Variants in PDE10A observed in about 807,000 individuals in gnomAD.
PDE10A encodes phosphodiesterase 10A.
In PDE10A, 39 loss-of-function variants were observed where a neutral mutation model predicts 97.7. That is an observed-to-expected ratio of 0.40 (90% CI 0.31 to 0.52). The LOEUF is 0.52. PDE10A is among the 20% of genes least tolerant of loss of function. PDE10A has a pLI of 0.56. For synonymous variants in PDE10A, 371 were observed against 376.8 expected, an observed-to-expected ratio of 0.98 and a Z score of 0.18; for missense variants, 731 against 1,047.8, an observed-to-expected ratio of 0.70 and a Z score of 4.17.
At chr6:165,659,220 G>T (rs1414923123) in intron 1 of PDE10A, among the ~76,000 whole-genome samples, 1 of 151,926 alleles carries the variant, frequency 6.6e-6, no homozygotes, top group Non-Finnish European at 1.5e-5. Flanking sequence ...AACAGTAACT[G>T]GACAAAACAG....
upstream of PDE10A, among the ~76,000 whole-genome samples, chr6:165,663,744 G>C (rs1790414494): frequency 6.6e-6 from 1 of 152,182 alleles, no homozygotes; most frequent in Non-Finnish European, 1.5e-5. Flanking sequence ...GCCTTGGTTG[G>C]GGTTAGAGAA....
intron 1 of PDE10A, chr6:165,940,141 C>T (rs2128492402): frequency 6.6e-6 from 1 of 152,260 alleles, no homozygotes; most frequent in East Asian, 1.9e-4. Flanking sequence ...TTTTATTATT[C>T]CAGAATTTTT....
intron 1 of PDE10A, among the ~76,000 whole-genome samples, chr6:165,649,914 T>C (rs1478714808): frequency 6.6e-6 from 1 of 152,208 alleles, no homozygotes; most frequent in African/African-American, 2.4e-5. Flanking sequence ...CATGAAACCA[T>C]CAATTGCATC....
intron 1 of PDE10A, among the ~76,000 whole-genome samples, chr6:165,750,411 G>T (rs371573633): frequency 6.6e-6 from 1 of 152,168 alleles, no homozygotes. Flanking sequence ...TTCAGTTCCT[G>T]GGTACCTGGC....
At chr6:165,480,589 A>T (rs1779548325) in intron 3 of PDE10A, among the ~76,000 whole-genome samples, 1 of 148,612 alleles carries the variant, frequency 6.7e-6, no homozygotes, top group Admixed American at 6.7e-5. Flanking sequence ...GCCTCAATTA[A>T]AAAAAAAAAG....
chr6:165,705,926 A>G (rs543862610), intron 1 of PDE10A, among the ~76,000 whole-genome samples: 4 of 152,348 alleles, frequency 2.6e-5, no homozygotes, highest in African/African-American at 9.6e-5. Context: ...CCCAAAATCT[A>G]AGCAGCCACA....
At chr6:165,471,889 TG>T (rs1241508981) in intron 3 of PDE10A, among the ~76,000 whole-genome samples, 6 of 152,224 alleles carry the variant, frequency 3.9e-5, no homozygotes, top group African/African-American at 1.4e-4. Flanking sequence ...TTAGGATTTC[TG>T]AACTTTTGTT....
intron 3 of PDE10A, among the ~76,000 whole-genome samples, chr6:165,458,555 C>T (rs970430604): frequency 6.6e-6 from 1 of 152,140 alleles, no homozygotes; most frequent in Non-Finnish European, 1.5e-5. Context: ...TTTGTGACAG[C>T]AGCTAAACCA....
chr6:165,949,356 A>G (rs300101), intron 1 of PDE10A: 81,656 of 152,136 alleles, frequency 0.54, 23,710 homozygotes, highest in African/African-American at 0.77. Flanking sequence ...GGAGGTGCCC[A>G]TGGCAGATGC....
intron 1 of PDE10A, among the ~76,000 whole-genome samples, chr6:165,722,840 A>G (rs964442965): frequency 6.6e-6 from 1 of 151,978 alleles, no homozygotes; most frequent in Admixed American, 6.6e-5. Flanking sequence ...GATCCTACTG[A>G]TCTTATAAAT....
intron 1 of PDE10A, among the ~76,000 whole-genome samples, chr6:165,576,861 C>T (rs1785333743): frequency 6.6e-6 from 1 of 152,222 alleles, no homozygotes; most frequent in Non-Finnish European, 1.5e-5. Flanking sequence ...TCATTTTCCC[C>T]TCTCAGGGAA....
intron 1 of PDE10A, among the ~76,000 whole-genome samples, chr6:165,839,230 C>T (rs1419801120): frequency 4.6e-5 from 7 of 152,278 alleles, no homozygotes; most frequent in South Asian, 2.1e-4. Context: ...AAGTACTTTA[C>T]GCTTTAAATA....
chr6:165,343,103 G>A (rs1312721877), intron 19 of PDE10A, among the ~76,000 whole-genome samples: 2 of 152,180 alleles, frequency 1.3e-5, no homozygotes, highest in Non-Finnish European at 1.5e-5. Flanking sequence ...TTGAATGAAT[G>A]AACAAAAGAT....
At chr6:165,659,056 T>C (rs1790104696) in intron 1 of PDE10A, among the ~76,000 whole-genome samples, 1 of 152,162 alleles carries the variant, frequency 6.6e-6, no homozygotes, top group Admixed American at 6.5e-5. Context: ...TAGCTCTTAC[T>C]AAGTGTTGTT....
chr6:165,648,668 A>G (rs930332968), intron 1 of PDE10A, among the ~76,000 whole-genome samples: 2 of 152,138 alleles, frequency 1.3e-5, no homozygotes, highest in African/African-American at 2.4e-5. Flanking sequence ...CCAACACAAA[A>G]CAAAGAAAAT....
Position 165,662,483 on chromosome 6 carries a change from G to A in PDE10A, c.329C>T (p.Ser110Phe), listed in dbSNP as rs992385783. 2.7e-5 allele frequency: 4 copies of A among 148,958 alleles called. No homozygotes were observed. Among genetic ancestry groups the A allele is most frequent in the African/African-American group, 9.8e-5 (4 of 40,804 alleles). The allele number at this position is 148,958 out of a possible 1,614,324, so 9.2% of individuals were successfully genotyped here. Residue 110 changes from serine to phenylalanine, a missense_variant, in exon 1 of 22, where the codon TCC becomes TTC. Around this residue, in one of 8 missense-constraint regions of PDE10A, gnomAD observed 181 missense variants for 159.1 expected, o/e 1.14. Coordinates refer to ENST00000539869, the MANE Select transcript of PDE10A (RefSeq NM_001385079.1). ...GAAGTAAAAGAAAGATGGAGAGGAG[G>A]AGGGGACCCGGGACGAGAAGGCGAG... The part of the protein sequence containing the change: ...LALAFSSRVP[S>F]SSPSFFYFWP...
intron 1 of PDE10A, among the ~76,000 whole-genome samples, chr6:165,909,608 A>G (rs1411860489): frequency 1.5e-4 from 23 of 152,200 alleles, no homozygotes; most frequent in Admixed American, 1.5e-3. Context: ...CATTGGTTCC[A>G]GGTGGAAGCA....
intron 1 of PDE10A, among the ~76,000 whole-genome samples, chr6:165,942,335 C>T (rs987396581): frequency 2.0e-5 from 3 of 152,040 alleles, no homozygotes; most frequent in Admixed American, 2.0e-4. Flanking sequence ...CACACACACA[C>T]CCCTTCACAA....
intron 1 of PDE10A, among the ~76,000 whole-genome samples, chr6:165,702,211 G>T (rs1481561163): frequency 6.6e-6 from 1 of 152,226 alleles, no homozygotes; most frequent in Non-Finnish European, 1.5e-5. Context: ...CAGCTGCAAA[G>T]AACTACAAAA....
Sources: gnomAD v4.1 joint callset for allele counts (sites outside exome capture counted in the v4.1 genomes callset) on GRCh38, gnomAD v4.1.1 for gene constraint, gnomAD v4.1.1 regional missense constraint, MANE v1.5 for transcripts, NCBI Gene and HGNC (gene_info 2026-07-23, HGNC 2026-07-21) for gene names.